Variants in PCDHGA4 observed in about 807,000 individuals in gnomAD.
The protein encoded by PCDHGA4 is protocadherin gamma subfamily A, 4.
In PCDHGA4, 38 loss-of-function variants were observed where a neutral mutation model predicts 54.6. That is an observed-to-expected ratio of 0.70 (90% CI 0.54 to 0.91). The LOEUF (loss-of-function observed/expected upper bound fraction) is 0.91, where lower values mean the gene tolerates loss of function less well. PCDHGA4 is among the 40% of genes least tolerant of loss of function. PCDHGA4 has a pLI of 0.00. For missense variants in PCDHGA4, 1,298 were observed against 1,220.9 expected, an observed-to-expected ratio of 1.06 and a Z score of -0.94; for synonymous variants, 511 against 512.9, an observed-to-expected ratio of 1.00 and a Z score of 0.05.
chr5:141,432,974 C>T lies in PCDHGA4; in HGVS notation c.2515-61833C>T. ...CGGCTTGACAGGAGCGCCGGCGTCG[C>T]ACTTTGTGGGCGTGGACGGGGTGCA... On this transcript the variant is annotated intron_variant, in intron 1 of 3. Coordinates refer to ENST00000571252, the MANE Select transcript of PCDHGA4 (RefSeq NM_018917.4). This position sits in a 1 kb window ranked among gnomAD's most constrained non-coding sequence, Gnocchi z 6.0. 6.2e-7 allele frequency: 1 copy of T among 1,614,204 alleles called. No individual in the cohort carries two copies. Among genetic ancestry groups the T allele is most frequent in the Non-Finnish European group, 8.5e-7 (1 of 1,180,030 alleles).
intron 1 of PCDHGA4, chr5:141,400,189 CT>C (rs770137840): frequency 5.6e-6 from 9 of 1,614,056 alleles, no homozygotes; most frequent in Non-Finnish European, 7.6e-6. Context: ...GCAGTTTTAC[CT>C]AGTGGTGGCC....
At chr5:141,383,599 G>T in intron 1 of PCDHGA4, 2 of 1,613,742 alleles carry the variant, frequency 1.2e-6, no homozygotes, top group Non-Finnish European at 8.5e-7. Flanking sequence ...GACAGTGGTG[G>T]ATGTGAATGA....
chr5:141,506,253 G>A (rs1332023284), intron 3 of PCDHGA4, among the ~76,000 whole-genome samples: 2 of 151,862 alleles, frequency 1.3e-5, no homozygotes, highest in Non-Finnish European at 2.9e-5. Flanking sequence ...GTTCGAAACC[G>A]GCCTGGCCAA....
chr5:141,361,855 C>G, intron 1 of PCDHGA4: 1 of 1,612,444 alleles, frequency 6.2e-7, no homozygotes, highest in African/African-American at 1.3e-5. Flanking sequence ...TGGCTCCGCC[C>G]TCTTCGATAT....
At chr5:141,368,563 T>C (rs1228765550) in intron 1 of PCDHGA4, among the ~76,000 whole-genome samples, 1 of 152,184 alleles carries the variant, frequency 6.6e-6, no homozygotes, top group Non-Finnish European at 1.5e-5. Context: ...GAAAATGTTA[T>C]ATGCTTCTTA....
At chr5:141,418,811 A>C in intron 1 of PCDHGA4, 1 of 1,613,916 alleles carries the variant, frequency 6.2e-7, no homozygotes. Context: ...ATATACGATA[A>C]ACATAGAAGC....
Position 141,399,283 on chromosome 5 carries a change from G to T in PCDHGA4, c.2514+41662G>T, listed in dbSNP as rs533695738. ...GGTTAATTGTCAATTACAAGGCGAA[G>T]TCCCTTTTAAGATTATCTCTTCATC... On this transcript the variant is annotated intron_variant, in intron 1 of 3. Coordinates refer to ENST00000571252, the MANE Select transcript of PCDHGA4 (RefSeq NM_018917.4). The T allele has an allele frequency of 5.0e-6, 8 of 1,613,888 alleles. No individual in the cohort carries two copies. The South Asian group carries it at 7.7e-5, about 16-fold the overall frequency.
At chr5:141,509,354 A>G (rs1229726913) in intron 3 of PCDHGA4, among the ~76,000 whole-genome samples, 2 of 152,144 alleles carry the variant, frequency 1.3e-5, no homozygotes, top group Non-Finnish European at 2.9e-5. Context: ...TGGCCTGGGC[A>G]TCCCTGAGGT....
chr5:141,362,099 C>T, intron 1 of PCDHGA4: 1 of 1,613,886 alleles, frequency 6.2e-7, no homozygotes, highest in South Asian at 1.1e-5. Context: ...CCGCCACTCT[C>T]CGCTACGGCC....
intron 1 of PCDHGA4, chr5:141,366,943 A>G (rs1481461689): frequency 3.9e-6 from 3 of 775,624 alleles, no homozygotes; most frequent in Non-Finnish European, 5.9e-6. Context: ...AGTCTAGCTG[A>G]TATCTGTAGA....
At chr5:141,428,466 A>G (rs1230267635) in intron 1 of PCDHGA4, 1 of 344,756 alleles carries the variant, frequency 2.9e-6, no homozygotes, top group Admixed American at 4.1e-5. Context: ...ACAATGAGGG[A>G]ACTTTGCTTT....
In PCDHGA4 at chr5:141,422,749, A is replaced by G. The variant is rs202046219; in HGVS notation, c.2514+65128A>G. Reference sequence around the variant, plus strand: ...GGTGCCTCTGTCCTCCTATGTCTCTATTAACTCCAACACTGGTGTTCTCTA... The same window carrying G: ...GGTGCCTCTGTCCTCCTATGTCTCTGTTAACTCCAACACTGGTGTTCTCTA... On this transcript the variant is annotated intron_variant, in intron 1 of 3. Coordinates refer to ENST00000571252, the MANE Select transcript of PCDHGA4 (RefSeq NM_018917.4). 269 of 1,611,644 alleles carry G rather than the reference A, an allele frequency of 1.7e-4. 1 individual carries two copies. The African/African-American group carries it at 3.3e-3, about 20-fold the overall frequency.
rs1338955892 is a variant in PCDHGA4, at chr5:141,502,521, T to C, written c.2574-2872T>C. 5.9e-5 allele frequency among the ~76,000 whole-genome samples: 9 copies of C among 152,338 alleles called. No homozygotes were observed. In the East Asian group the frequency reaches 1.7e-3, roughly 29 times the overall value. The stretch of plus-strand genomic sequence containing the variant: ...CGTCGGCCTGTCCCACTATCAGTGA[T>C]GCCGAGTTTGTTCGTGTGGTAAAAA... On this transcript the variant is annotated intron_variant, in intron 2 of 3. Transcript: ENST00000571252.
At chr5:141,462,020 T>G (rs1371390043) in intron 1 of PCDHGA4, among the ~76,000 whole-genome samples, 6 of 152,110 alleles carry the variant, frequency 3.9e-5, no homozygotes, top group Non-Finnish European at 8.8e-5. Flanking sequence ...ACGGGGTTTC[T>G]TCATGTTGGT....
At position 141,356,246 on chromosome 5, in the gene PCDHGA4, T is replaced by A. The variant is rs1421799660; in HGVS notation, c.1139T>A (p.Val380Asp). 2 of 1,579,642 alleles carry A rather than the reference T, an allele frequency of 1.3e-6. No individual in the cohort carries two copies. The highest frequency in any genetic ancestry group is 1.3e-5 in the African/African-American group (1 of 74,126). ...DENDNAPEVT[V>D]TSLTSSVQES... is the part of the protein sequence containing the mutation. ...AATGACAACGCACCAGAAGTCACAG[T>A]TACATCTCTCACCAGCTCAGTCCAG... is the stretch of plus-strand genomic sequence containing the variant. The change falls in exon 1 of 4, where the codon GTT (valine) becomes GAT (aspartate). Residue 380 changes from valine (V) to aspartate (D), a missense_variant. Transcript: ENST00000571252.
chr5:141,427,530 T>C (rs1302316196), intron 1 of PCDHGA4: 3 of 619,732 alleles, frequency 4.8e-6, no homozygotes, highest in Non-Finnish European at 9.0e-6. Context: ...GATCCCGGAG[T>C]ACAACGTCAC....
chr5:141,455,162 T>G (rs1002208156), intron 1 of PCDHGA4, among the ~76,000 whole-genome samples: 5 of 150,972 alleles, frequency 3.3e-5, no homozygotes, highest in African/African-American at 7.3e-5. Context: ...GTTTGTTGGT[T>G]TTTTTTTTAG....
chr5:141,506,584 G>A (rs1413313164), intron 3 of PCDHGA4, among the ~76,000 whole-genome samples: 1 of 152,098 alleles, frequency 6.6e-6, no homozygotes, highest in African/African-American at 2.4e-5. Context: ...ACTATTAATG[G>A]GCACAGTATT....
chr5:141,375,876 C>T, intron 1 of PCDHGA4: 1 of 1,613,848 alleles, frequency 6.2e-7, no homozygotes, highest in Non-Finnish European at 8.5e-7. Context: ...GACAGAGACT[C>T]GGGCCAGAAC....
Sources: gnomAD v4.1 joint callset for allele counts (sites outside exome capture counted in the v4.1 genomes callset) on GRCh38, gnomAD v4.1.1 for gene constraint, Gnocchi (gnomAD v3.1) non-coding constraint, MANE v1.5 for transcripts, NCBI Gene and HGNC (gene_info 2026-07-23, HGNC 2026-07-21) for gene names.